Variants in KLHL4 observed in about 807,000 individuals in gnomAD.
The protein encoded by KLHL4 is kelch like family member 4, also known as kelch-like protein 4.
KLHL4 carries 17 observed loss-of-function variants against 45.8 expected under a neutral mutation model. The observed-to-expected ratio is 0.37, with a 90% CI of 0.25 to 0.56. The LOEUF is 0.56. Among genes scored for constraint, KLHL4 ranks in the 20% least tolerant of loss-of-function variants. The pLI is 0.79. For missense variants in KLHL4, 544 were observed against 544.9 expected (o/e 1.00, Z 0.02); for synonymous variants, 224 against 189.9 (o/e 1.18, Z -1.47).
At chrX:87,582,858 C>T (rs1921329789) in intron 1 of KLHL4, among the ~76,000 whole-genome samples, 1 of 111,734 alleles carries the variant, frequency 8.9e-6, no homozygotes, top group Non-Finnish European at 1.9e-5. Flanking sequence ...AACAAAGCTT[C>T]CAAAGTGTGG....
At chrX:87,521,721 C>T (rs999404652) in intron 1 of KLHL4, among the ~76,000 whole-genome samples, 5 of 112,081 alleles carry the variant, frequency 4.5e-5, no homozygotes, top group African/African-American at 1.3e-4. Context: ...AGTACTTAAC[C>T]ACCATATATG....
intron 1 of KLHL4, among the ~76,000 whole-genome samples, chrX:87,613,134 G>A (rs1053537325): frequency 9.0e-6 from 1 of 111,652 alleles, no homozygotes; most frequent in Admixed American, 9.5e-5. Context: ...CTAACTGGTG[G>A]TTAGAAAATG....
chrX:87,530,985 T>C (rs1931258266), intron 1 of KLHL4, among the ~76,000 whole-genome samples: 1 of 111,775 alleles, frequency 8.9e-6, no homozygotes, highest in South Asian at 3.7e-4. Context: ...AGATGGTATC[T>C]CATTGTGGTT....
chrX:87,550,273 C>G lies in KLHL4; in HGVS notation c.422+31958C>G, dbSNP rs150663485. 8.2e-4 allele frequency among the ~76,000 whole-genome samples: 91 copies of G among 110,688 alleles called. No individual in the cohort carries two copies. In the Middle Eastern group the frequency reaches 0.019, roughly 23 times the overall value. On this transcript the variant is annotated intron_variant, in intron 1 of 10. Coordinates refer to ENST00000373119, the MANE Select transcript of KLHL4 (RefSeq NM_019117.5). ...TTGAAGCAAAGAGATGGATAAATTC[C>G]TGGAAAAATACAGCTCTCTTAGCTT...
intron 4 of KLHL4, among the ~76,000 whole-genome samples, chrX:87,620,111 A>C (rs1002187914): frequency 3.6e-5 from 4 of 111,495 alleles, no homozygotes; most frequent in African/African-American, 1.3e-4. Context: ...AAAATTAACC[A>C]TTTAAATCAT....
intron 1 of KLHL4, among the ~76,000 whole-genome samples, chrX:87,563,805 G>A (rs904033751): frequency 2.7e-5 from 3 of 110,747 alleles, no homozygotes; most frequent in African/African-American, 9.8e-5. Context: ...AGACATTTAA[G>A]AATCAAACTC....
At chrX:87,606,518 G>A (rs1392378134) in intron 1 of KLHL4, among the ~76,000 whole-genome samples, 1 of 110,850 alleles carries the variant, frequency 9.0e-6, no homozygotes, top group African/African-American at 3.3e-5. Flanking sequence ...GATGAAAAGG[G>A]AGACATTACA....
chrX:87,657,815 T>C (rs1273789166), intron 9 of KLHL4, among the ~76,000 whole-genome samples: 1 of 111,577 alleles, frequency 9.0e-6, no homozygotes, highest in African/African-American at 3.3e-5. Flanking sequence ...TGGGGTAAAA[T>C]TTTGATGGGG....
At chrX:87,638,384 C>T (rs1006881468) in intron 9 of KLHL4, among the ~76,000 whole-genome samples, 1 of 111,480 alleles carries the variant, frequency 9.0e-6, no homozygotes, top group Admixed American at 9.5e-5. Context: ...CGCCTAGGCA[C>T]ATATTCATTT....
At position 87,582,302 on chromosome X, in the gene KLHL4, A is replaced by G. The variant is rs1602427920; in HGVS notation, c.423-31575A>G. On this transcript the variant is annotated intron_variant, in intron 1 of 10. Transcript: ENST00000373119. ...AAAAGCACCTAAGAGATAGAAAAAAACAGTCTGGAATCGCGGATGCCACCA... is the reference window on the plus strand; with the variant it reads ...AAAAGCACCTAAGAGATAGAAAAAAGCAGTCTGGAATCGCGGATGCCACCA... Among the ~76,000 whole-genome samples the G allele has an allele frequency of 2.7e-5, 3 of 110,231 alleles. No individual in the cohort carries two copies. In the Admixed American group the frequency reaches 2.9e-4, roughly 11 times the overall value.
At chrX:87,597,382 G>T (rs968916832) in intron 1 of KLHL4, among the ~76,000 whole-genome samples, 1 of 110,867 alleles carries the variant, frequency 9.0e-6, no homozygotes, top group African/African-American at 3.3e-5. Context: ...AACATGGTTT[G>T]TCTAGGTCTC....
chrX:87,589,875 CAA>C (rs35306138), intron 1 of KLHL4, among the ~76,000 whole-genome samples: 39 of 93,269 alleles, frequency 4.2e-4, no homozygotes, highest in African/African-American at 9.4e-4. Context: ...ACTAAAAATA[CAA>C]AAAAAAAAAA....
chrX:87,522,449 G>C (rs924983242), intron 1 of KLHL4, among the ~76,000 whole-genome samples: 2 of 112,170 alleles, frequency 1.8e-5, no homozygotes, highest in African/African-American at 6.5e-5. Flanking sequence ...ATCTTTGAAT[G>C]TGAAGCTGAT....
chrX:87,636,027 T>C (rs985062648), intron 9 of KLHL4, among the ~76,000 whole-genome samples: 2 of 111,620 alleles, frequency 1.8e-5, no homozygotes, highest in South Asian at 3.7e-4. Context: ...ATTTTTTATT[T>C]TTATTTTTAA....
chrX:87,566,996 G>A lies in KLHL4; in HGVS notation c.423-46881G>A, dbSNP rs141412510. ...TAATACCTGGGTGATGAAATAGTCT[G>A]TACAATAAACTCCCATGACACGTTT... is the stretch of plus-strand genomic sequence containing the variant. On this transcript the variant is annotated intron_variant, in intron 1 of 10. Transcript: ENST00000373119. Among the ~76,000 whole-genome samples the A allele has an allele frequency of 7.6e-3, 835 of 110,410 alleles. 6 individuals are homozygous for A. Among genetic ancestry groups the A allele is most frequent in the African/African-American group, 0.026 (795 of 30,297 alleles).
chrX:87,558,519 C>T (rs1932029000), intron 1 of KLHL4, among the ~76,000 whole-genome samples: 1 of 111,394 alleles, frequency 9.0e-6, no homozygotes, highest in South Asian at 3.8e-4. Flanking sequence ...TTAAAACTAC[C>T]TCTTAAGTTG....
chrX:87,650,734 A>G (rs1345105945), intron 9 of KLHL4, among the ~76,000 whole-genome samples: 6 of 111,611 alleles, frequency 5.4e-5, no homozygotes, highest in Admixed American at 1.9e-4. Context: ...AATCCATTGT[A>G]TTAGTCTATA....
chrX:87,578,672 C>A (rs1270675366), intron 1 of KLHL4, among the ~76,000 whole-genome samples: 1 of 112,591 alleles, frequency 8.9e-6, no homozygotes, highest in Non-Finnish European at 1.9e-5. Context: ...CTGAGAGAGA[C>A]TCCCTCTGTA....
intron 3 of KLHL4, among the ~76,000 whole-genome samples, chrX:87,615,193 C>CAG (rs1208499746): frequency 9.0e-6 from 1 of 111,315 alleles, no homozygotes; most frequent in African/African-American, 3.3e-5. Flanking sequence ...TTTGCTTGCA[C>CAG]TGTCTGTAAA....
Sources: gnomAD v4.1 joint callset for allele counts (sites outside exome capture counted in the v4.1 genomes callset) on GRCh38, gnomAD v4.1.1 for gene constraint, MANE v1.5 for transcripts, NCBI Gene and HGNC (gene_info 2026-07-23, HGNC 2026-07-21) for gene names.